Variants in CLASP1 observed in about 807,000 individuals in gnomAD.
The protein encoded by CLASP1 is cytoplasmic linker associated protein 1, also known as CLIP-associating protein 1.
In CLASP1, 38 loss-of-function variants were observed where a neutral mutation model predicts 192.3. The ratio of observed to expected loss-of-function variants is 0.20; its 90% CI spans 0.15 to 0.26. The LOEUF is 0.26. CLASP1 is among the 10% of genes least tolerant of loss of function. The pLI is 1.00. For missense variants in CLASP1, 1,433 were observed against 1,932.5 expected (o/e 0.74, Z 4.85); for synonymous variants, 691 against 712.8 (o/e 0.97, Z 0.49).
At chr2:121,457,597 T>C (rs1559278797) in intron 14 of CLASP1, 90 bp downstream of exon 14, 7 of 942,564 alleles carry the variant, frequency 7.4e-6, no homozygotes, top group Middle Eastern at 2.2e-4. Flanking sequence ...AAGCATGTTA[T>C]ACATGAAATT....
chr2:121,553,489 G>T (rs978228920), intron 2 of CLASP1, among the ~76,000 whole-genome samples: 1 of 150,510 alleles, frequency 6.6e-6, no homozygotes, highest in Non-Finnish European at 1.5e-5. Flanking sequence ...GGATCATGAG[G>T]TCAGGAGATA....
At chr2:121,432,695 CTT>C (rs1559168028) in intron 19 of CLASP1, among the ~76,000 whole-genome samples, 1 of 151,912 alleles carries the variant, frequency 6.6e-6, no homozygotes, top group Non-Finnish European at 1.5e-5. Flanking sequence ...TTTTTATAGA[CTT>C]ATTTAAAGTT....
At chr2:121,482,230 A>G (rs184718879) in intron 8 of CLASP1, among the ~76,000 whole-genome samples, 10 of 152,248 alleles carry the variant, frequency 6.6e-5, no homozygotes, top group African/African-American at 2.4e-4. Context: ...AACTCCTGAC[A>G]GGGGATAATG....
intron 14 of CLASP1, among the ~76,000 whole-genome samples, chr2:121,454,617 G>A (rs2086235962): frequency 6.6e-6 from 1 of 152,212 alleles, no homozygotes; most frequent in Non-Finnish European, 1.5e-5. Flanking sequence ...AAGCTGTCCT[G>A]TGCTGCATGG....
chr2:121,494,640 G>C (rs1333594283), intron 8 of CLASP1, among the ~76,000 whole-genome samples: 2 of 152,200 alleles, frequency 1.3e-5, no homozygotes, highest in Non-Finnish European at 2.9e-5. Context: ...TGCTTGAGTT[G>C]ATGGATACCC....
chr2:121,523,284 C>A (rs1485306531), intron 6 of CLASP1, among the ~76,000 whole-genome samples: 1 of 152,224 alleles, frequency 6.6e-6, no homozygotes, highest in East Asian at 1.9e-4. Flanking sequence ...ACTGAATCTA[C>A]ATTTTGAGAA....
At chr2:121,373,072 T>A (rs2069096218) in intron 34 of CLASP1, among the ~76,000 whole-genome samples, 2 of 152,214 alleles carry the variant, frequency 1.3e-5, no homozygotes, top group South Asian at 4.1e-4. Flanking sequence ...CACCCAAATC[T>A]TATGTCAAAT....
chr2:121,539,697 G>A (rs1262112892), intron 2 of CLASP1, among the ~76,000 whole-genome samples: 5 of 138,324 alleles, frequency 3.6e-5, no homozygotes, highest in Admixed American at 1.4e-4. Context: ...GTCAAGTCAC[G>A]CTAGAAGAAG....
intron 1 of CLASP1, among the ~76,000 whole-genome samples, chr2:121,633,423 G>A (rs2070186350): frequency 6.9e-6 from 1 of 144,512 alleles, no homozygotes; most frequent in Non-Finnish European, 1.5e-5. Flanking sequence ...TTTCCTAAAA[G>A]AACAATGTCT....
rs893677187 is a variant in CLASP1 at position 121,610,164 on chromosome 2, G to A, written c.-285-3984C>T. On this transcript the variant is annotated intron_variant, in intron 1 of 39. Transcript: ENST00000263710. ...AAATAAGAGGGAAAAAGGATGACGT[G>A]GAGGAGTGAGAGAAGAAGGAGGAGG... 8.5e-5 allele frequency among the ~76,000 whole-genome samples: 13 copies of A among 152,294 alleles called. 1 individual carries two copies. Among genetic ancestry groups the A allele is most frequent in the Admixed American group, 7.2e-4 (11 of 15,304 alleles).
intron 4 of CLASP1, 30 bp from the exon 5 acceptor site, chr2:121,527,920 G>C (rs928560882): frequency 4.5e-6 from 7 of 1,561,682 alleles, no homozygotes; most frequent in Non-Finnish European, 5.3e-6. Context: ...GGTGAGGAAA[G>C]GAGAAGACTG....
chr2:121,613,232 A>C (rs2106007887), intron 1 of CLASP1, among the ~76,000 whole-genome samples: 1 of 152,298 alleles, frequency 6.6e-6, no homozygotes, highest in East Asian at 1.9e-4. Flanking sequence ...TCCAACATCA[A>C]CATTCTCTGC....
chr2:121,440,586 G>A (rs1304666002), intron 19 of CLASP1, among the ~76,000 whole-genome samples: 6 of 152,202 alleles, frequency 3.9e-5, no homozygotes. Flanking sequence ...CAGTTACTTG[G>A]AAGGCTGAGG....
chr2:121,557,562 C>T (rs528405818), intron 2 of CLASP1, among the ~76,000 whole-genome samples: 2 of 150,664 alleles, frequency 1.3e-5, no homozygotes, highest in South Asian at 2.1e-4. Flanking sequence ...CCAGCCTAGG[C>T]GACAGAGTGA....
chr2:121,338,908 A>T (rs2062562661), exon 40 of CLASP1: 1 of 152,618 alleles, frequency 6.6e-6, no homozygotes, highest in African/African-American at 2.4e-5. Context: ...AAAGGGGTCA[A>T]CAAGAGACTC....
chr2:121,483,280 C>T (rs1250197857), intron 8 of CLASP1, among the ~76,000 whole-genome samples: 2 of 152,208 alleles, frequency 1.3e-5, no homozygotes, highest in Non-Finnish European at 2.9e-5. Context: ...TCAAGCTTCT[C>T]TCTGTGGAAA....
chr2:121,448,824 A>C (rs1574953676), intron 17 of CLASP1, 129 bp downstream of exon 17: 1 of 867,354 alleles, frequency 1.2e-6, no homozygotes, highest in East Asian at 2.7e-5. Context: ...TTGCACCAGG[A>C]TCTACCTCAA....
At chr2:121,372,849 C>A (rs2069038784) in intron 34 of CLASP1, among the ~76,000 whole-genome samples, 1 of 152,240 alleles carries the variant, frequency 6.6e-6, no homozygotes, top group Non-Finnish European at 1.5e-5. Context: ...TGCTCTGAAT[C>A]TCCCCAACCA....
At chr2:121,531,177 T>C (rs981375750) in intron 2 of CLASP1, among the ~76,000 whole-genome samples, 5 of 152,116 alleles carry the variant, frequency 3.3e-5, no homozygotes, top group Admixed American at 6.6e-5. Context: ...TCAACAGAAC[T>C]TCACCCCTTT....
Sources: gnomAD v4.1 joint callset for allele counts (sites outside exome capture counted in the v4.1 genomes callset) on GRCh38, gnomAD v4.1.1 for gene constraint, MANE v1.5 for transcripts, NCBI Gene and HGNC (gene_info 2026-07-23, HGNC 2026-07-21) for gene names.